The following WDR64 variants were observed in gnomAD, a reference collection of about 807,000 sequenced individuals.
The protein encoded by WDR64 is WD repeat-containing protein 64.
WDR64 carries 112 observed loss-of-function variants against 139.3 expected under a neutral mutation model. The observed-to-expected ratio is 0.80, with a 90% CI of 0.69 to 0.94. The LOEUF is 0.94. Ranked by LOEUF, WDR64 falls within the 40% of genes least tolerant of loss-of-function variation. The probability of loss-of-function intolerance (pLI) is 0.00; values close to 1 mark genes in which losing one functional copy is unlikely to be tolerated. For missense variants in WDR64, 1,206 were observed against 1,293.1 expected (o/e 0.93, Z 1.03); for synonymous variants, 444 against 437.7 (o/e 1.01, Z -0.18).
chr1:241,687,526 T>A lies in WDR64; in HGVS notation c.905T>A (p.Phe302Tyr). 3.7e-6 allele frequency: 6 copies of A among 1,613,964 alleles called. No homozygotes were observed. The South Asian group carries it at 6.6e-5, about 18-fold the overall frequency. ...AGATATATTTCAGCCCTAAATTGTT[T>A]TGGATCCTGCTCCTTAGACAGTAAT... ...KIRYISALNC[F>Y]GSCSLDSNHS... is the part of the protein sequence containing the mutation. Residue 302 changes from phenylalanine to tyrosine, a missense_variant, in exon 8 of 28, where the codon TTT becomes TAT. Phe to Tyr is a conservative substitution (Grantham distance 22, BLOSUM62 3). Coordinates refer to ENST00000437684, the MANE Select transcript of WDR64 (RefSeq NM_001367482.1).
chr1:241,721,037 T>C (rs1305522129), intron 9 of WDR64, among the ~76,000 whole-genome samples: 1 of 152,204 alleles, frequency 6.6e-6, no homozygotes, highest in Non-Finnish European at 1.5e-5. Flanking sequence ...CCCAGCACCA[T>C]TTATTAAATA....
At chr1:241,768,031 A>G (rs1658259146) in intron 16 of WDR64, among the ~76,000 whole-genome samples, 1 of 152,194 alleles carries the variant, frequency 6.6e-6, no homozygotes, top group African/African-American at 2.4e-5. Context: ...CTTTCCTAAG[A>G]AGGGAAATCA....
chr1:241,711,971 A>G (rs1282693296), intron 9 of WDR64, 90 bp downstream of exon 9: 2 of 1,213,660 alleles, frequency 1.6e-6, no homozygotes, highest in Non-Finnish European at 2.4e-6. Context: ...CACATTAGGG[A>G]ATTTACAAAT....
At chr1:241,737,289 C>T (rs746201958) in intron 10 of WDR64, among the ~76,000 whole-genome samples, 6 of 152,284 alleles carry the variant, frequency 3.9e-5, no homozygotes, top group Non-Finnish European at 8.8e-5. Context: ...CTCCAAGTCA[C>T]GGGACCCAGA....
chr1:241,654,681 G>A (rs563598644), intron 1 of WDR64, among the ~76,000 whole-genome samples: 1 of 152,222 alleles, frequency 6.6e-6, no homozygotes, highest in East Asian at 1.9e-4. Context: ...GGCTGTATAG[G>A]CTGAGCATCC....
intron 10 of WDR64, among the ~76,000 whole-genome samples, chr1:241,723,881 A>T (rs1668704771): frequency 6.6e-6 from 1 of 152,096 alleles, no homozygotes; most frequent in Non-Finnish European, 1.5e-5. Flanking sequence ...GATCAATACA[A>T]TCAACTTTCA....
chr1:241,693,454 T>A (rs1667376970), intron 8 of WDR64, among the ~76,000 whole-genome samples: 1 of 152,148 alleles, frequency 6.6e-6, no homozygotes, highest in African/African-American at 2.4e-5. Flanking sequence ...AACTACTTTG[T>A]ATGATACTGT....
chr1:241,780,761 G>C (rs1267627029), intron 22 of WDR64, among the ~76,000 whole-genome samples: 1 of 152,078 alleles, frequency 6.6e-6, no homozygotes, highest in Non-Finnish European at 1.5e-5. Context: ...CTCTTTTAAG[G>C]TTTCGGTATT....
Position 241,798,188 on chromosome 1 carries a change from C to T in WDR64, c.3192+1818C>T, listed in dbSNP as rs567517699. Among the ~76,000 whole-genome samples the T allele has an allele frequency of 5.3e-5, 8 of 152,238 alleles. No individual in the cohort carries two copies. The East Asian group carries it at 1.5e-3, about 29-fold the overall frequency. ...TAAATAACCTGATGTTCTGACAAAT[C>T]CTTTATTTTCTCTTAATCACTCTGA... On this transcript the variant is annotated intron_variant, in intron 27 of 27. Coordinates refer to ENST00000437684, the MANE Select transcript of WDR64 (RefSeq NM_001367482.1).
At chr1:241,747,247 A>G (rs866945040) in intron 13 of WDR64, among the ~76,000 whole-genome samples, 5 of 152,230 alleles carry the variant, frequency 3.3e-5, no homozygotes, top group Non-Finnish European at 5.9e-5. Context: ...AAATTTATAC[A>G]TACGGTAAAA....
intron 14 of WDR64, among the ~76,000 whole-genome samples, chr1:241,750,810 C>A (rs1669950015): frequency 6.6e-6 from 1 of 151,966 alleles, no homozygotes; most frequent in Non-Finnish European, 1.5e-5. Flanking sequence ...CTTGGCCATG[C>A]CCAGAGTAGG....
chr1:241,672,863 C>A (rs542724053), intron 3 of WDR64, among the ~76,000 whole-genome samples: 62 of 152,116 alleles, frequency 4.1e-4, no homozygotes, highest in African/African-American at 1.4e-3. Flanking sequence ...GGAGAAGCAA[C>A]GATGGGAGTG....
intron 8 of WDR64, among the ~76,000 whole-genome samples, chr1:241,700,255 T>G (rs1177754664): frequency 2.7e-5 from 4 of 150,568 alleles, no homozygotes; most frequent in Non-Finnish European, 4.4e-5. Context: ...TCTCATCCAG[T>G]AGGCCACCAA....
chr1:241,691,556 T>C (rs1010232774), intron 8 of WDR64, among the ~76,000 whole-genome samples: 9 of 152,206 alleles, frequency 5.9e-5, no homozygotes, highest in Non-Finnish European at 1.0e-4. Context: ...GGGAACATCA[T>C]CAACTTGTAA....
At chr1:241,681,111 A>G (rs1038235023) in intron 6 of WDR64, among the ~76,000 whole-genome samples, 2 of 151,004 alleles carry the variant, frequency 1.3e-5, no homozygotes, top group Non-Finnish European at 3.0e-5. Context: ...TCTCTCTTTA[A>G]AAATTGTTTA....
At chr1:241,702,316 T>G (rs1667748045) in intron 8 of WDR64, among the ~76,000 whole-genome samples, 1 of 152,180 alleles carries the variant, frequency 6.6e-6, no homozygotes, top group Non-Finnish European at 1.5e-5. Context: ...ACTAACCCTG[T>G]GACCATTGAA....
intron 12 of WDR64, among the ~76,000 whole-genome samples, chr1:241,743,883 C>T (rs74858918): frequency 0.045 from 6,877 of 152,126 alleles, 533 homozygotes; most frequent in African/African-American, 0.16. Context: ...TGTGTCTCTC[C>T]CTCCCATTCT....
chr1:241,674,785 T>C, intron 4 of WDR64, 38 bp downstream of exon 4: 1 of 1,275,844 alleles, frequency 7.8e-7, no homozygotes, highest in Non-Finnish European at 1.1e-6. Flanking sequence ...ATGACTCATT[T>C]TACAATAACC....
At position 241,683,941 on chromosome 1, in the gene WDR64, T is replaced by C. The variant is rs973789847; in HGVS notation, c.839+240T>C. 3.9e-4 allele frequency among the ~76,000 whole-genome samples: 59 copies of C among 151,298 alleles called. 1 individual carries two copies. Among genetic ancestry groups the C allele is most frequent in the African/African-American group, 1.2e-3 (51 of 41,102 alleles). On this transcript the variant is annotated intron_variant, in intron 7 of 27. Coordinates refer to ENST00000437684, the MANE Select transcript of WDR64 (RefSeq NM_001367482.1). ...CTCAAGAAACCATCAGTGTAATAGC[T>C]CCTAATTTAAGTGCTATTGACAACT... is the stretch of plus-strand genomic sequence containing the variant.
Sources: allele counts gnomAD v4.1 joint callset (sites outside exome capture counted in the v4.1 genomes callset), GRCh38; gene constraint gnomAD v4.1.1; transcripts MANE v1.5; gene names NCBI Gene and HGNC (gene_info 2026-07-23, HGNC 2026-07-21).